Variants in PRKCB observed in about 807,000 individuals in gnomAD.
PRKCB encodes protein kinase C beta type.
In PRKCB, 13 loss-of-function variants were observed where a neutral mutation model predicts 81.5. The observed-to-expected ratio is 0.16, with a 90% CI of 0.10 to 0.25. PRKCB has a LOEUF of 0.25. Ranked by LOEUF, PRKCB falls within the 10% of genes least tolerant of loss-of-function variation. PRKCB has a pLI of 1.00. For missense variants in PRKCB, 509 were observed against 875.7 expected (o/e 0.58, Z 5.29); for synonymous variants, 335 against 321.4 (o/e 1.04, Z -0.45).
intron 2 of PRKCB, among the ~76,000 whole-genome samples, chr16:23,964,453 C>G (rs1231279361): frequency 6.6e-6 from 1 of 152,202 alleles, no homozygotes; most frequent in Non-Finnish European, 1.5e-5. Context: ...TACTCAGTCT[C>G]TTATCCTTGA....
intron 16 of PRKCB, among the ~76,000 whole-genome samples, chr16:24,199,077 G>A (rs1249548723): frequency 6.6e-6 from 1 of 152,176 alleles, no homozygotes; most frequent in Non-Finnish European, 1.5e-5. Context: ...TGGACAGTAG[G>A]AAAGGCTGAA....
intron 2 of PRKCB, among the ~76,000 whole-genome samples, chr16:23,947,048 G>T (rs1964212431): frequency 6.6e-6 from 1 of 152,098 alleles, no homozygotes; most frequent in South Asian, 2.1e-4. Context: ...TAGAGACGGG[G>T]TTTTACCATG....
At chr16:23,941,331 T>C (rs1389978991) in intron 2 of PRKCB, among the ~76,000 whole-genome samples, 2 of 152,182 alleles carry the variant, frequency 1.3e-5, no homozygotes, top group East Asian at 3.8e-4. Flanking sequence ...AAAACCTATA[T>C]AACAAATGAT....
intron 2 of PRKCB, among the ~76,000 whole-genome samples, chr16:23,875,931 C>T (rs1244471635): frequency 6.6e-6 from 1 of 152,114 alleles, no homozygotes; most frequent in African/African-American, 2.4e-5. Context: ...CTTCATGGCA[C>T]CAGGGCTAGA....
At chr16:24,080,404 A>G (rs1248425048) in intron 5 of PRKCB, among the ~76,000 whole-genome samples, 1 of 152,222 alleles carries the variant, frequency 6.6e-6, no homozygotes, top group Non-Finnish European at 1.5e-5. Context: ...TGTAGATTGC[A>G]CCAAAGGGAG....
chr16:23,915,055 C>T (rs1221406187), intron 2 of PRKCB, among the ~76,000 whole-genome samples: 1 of 152,160 alleles, frequency 6.6e-6, no homozygotes, highest in African/African-American at 2.4e-5. Flanking sequence ...CCACTTTTGG[C>T]CTGTTTGCAC....
At chr16:24,096,467 G>A (rs1966440027) in intron 7 of PRKCB, among the ~76,000 whole-genome samples, 1 of 151,500 alleles carries the variant, frequency 6.6e-6, no homozygotes, top group Non-Finnish European at 1.5e-5. Flanking sequence ...ACACTAGAGT[G>A]GCTTGTACAC....
intron 2 of PRKCB, among the ~76,000 whole-genome samples, chr16:23,921,937 C>A (rs1333877733): frequency 1.3e-5 from 2 of 152,118 alleles, no homozygotes; most frequent in Admixed American, 1.3e-4. Context: ...CTTATAGGCT[C>A]AGCTGGGTTC....
At chr16:24,180,488 G>A (rs1967600771) in intron 12 of PRKCB, among the ~76,000 whole-genome samples, 1 of 152,188 alleles carries the variant, frequency 6.6e-6, no homozygotes, top group Non-Finnish European at 1.5e-5. Flanking sequence ...GAAGCGTCAT[G>A]GATGCTCTGC....
intron 5 of PRKCB, among the ~76,000 whole-genome samples, chr16:24,045,229 G>T (rs1255773822): frequency 1.3e-5 from 2 of 152,182 alleles, no homozygotes; most frequent in Non-Finnish European, 2.9e-5. Flanking sequence ...ATGGGGTGTT[G>T]GTTGCTTGAG....
intron 9 of PRKCB, among the ~76,000 whole-genome samples, chr16:24,138,057 A>C (rs1342350461): frequency 1.3e-5 from 2 of 152,194 alleles, no homozygotes; most frequent in Non-Finnish European, 2.9e-5. Context: ...TGCATTTTTA[A>C]ATCTGTAGAT....
At chr16:23,857,148 A>G (rs1293601842) in intron 2 of PRKCB, among the ~76,000 whole-genome samples, 1 of 152,224 alleles carries the variant, frequency 6.6e-6, no homozygotes, top group African/African-American at 2.4e-5. Context: ...TTTTCCAAAT[A>G]GAATTTTAAG....
chr16:23,841,765 C>T (rs565777750), intron 2 of PRKCB, among the ~76,000 whole-genome samples: 4 of 142,026 alleles, frequency 2.8e-5, no homozygotes, highest in Middle Eastern at 4.6e-3. Flanking sequence ...AAGTGATTCT[C>T]GTGCCTCAGC....
intron 7 of PRKCB, among the ~76,000 whole-genome samples, chr16:24,108,969 G>C (rs1359110380): frequency 6.8e-6 from 1 of 146,772 alleles, no homozygotes; most frequent in East Asian, 2.1e-4. Flanking sequence ...GGGGGGGCTG[G>C]CCGGGCGGGG....
chr16:23,863,184 A>C (rs1962707150), intron 2 of PRKCB, among the ~76,000 whole-genome samples: 1 of 70,456 alleles, frequency 1.4e-5, no homozygotes, highest in Non-Finnish European at 2.8e-5. Flanking sequence ...ATATATGTGT[A>C]TACATACATA....
At chr16:23,919,791 A>C (rs892359578) in intron 2 of PRKCB, among the ~76,000 whole-genome samples, 1 of 152,236 alleles carries the variant, frequency 6.6e-6, no homozygotes, top group African/African-American at 2.4e-5. Context: ...TTCTTTGTGT[A>C]ACGTTATCAA....
chr16:24,117,562 T>C (rs1966749432), intron 8 of PRKCB, among the ~76,000 whole-genome samples: 1 of 152,218 alleles, frequency 6.6e-6, no homozygotes, highest in African/African-American at 2.4e-5. Flanking sequence ...ATTTTACTTT[T>C]ACAAATGAAG....
At chr16:23,933,116 A>G (rs980707468) in intron 2 of PRKCB, among the ~76,000 whole-genome samples, 1 of 152,206 alleles carries the variant, frequency 6.6e-6, no homozygotes, top group African/African-American at 2.4e-5. Flanking sequence ...CAGTGCATGC[A>G]TGACCCATGA....
intron 2 of PRKCB, among the ~76,000 whole-genome samples, chr16:23,847,873 A>G (rs1379666763): frequency 2.0e-5 from 3 of 152,240 alleles, no homozygotes; most frequent in Non-Finnish European, 4.4e-5. Context: ...TAGTTCTGAG[A>G]CATAATGTAA....
Sources: allele counts gnomAD v4.1 joint callset (sites outside exome capture counted in the v4.1 genomes callset), GRCh38; gene constraint gnomAD v4.1.1; transcripts MANE v1.5; gene names NCBI Gene and HGNC (gene_info 2026-07-23, HGNC 2026-07-21).